The following PDZRN4 variants were observed in gnomAD, a reference collection of about 807,000 sequenced individuals.
PDZRN4 encodes the protein PDZ domain-containing RING finger protein 4.
Under a neutral mutation model 99.0 loss-of-function variants are expected in PDZRN4, and 70 were observed. The observed-to-expected ratio is 0.71, with a 90% CI of 0.58 to 0.86. PDZRN4 has a LOEUF of 0.86. Among genes scored for constraint, PDZRN4 ranks in the 40% least tolerant of loss-of-function variants. The probability of loss-of-function intolerance (pLI) is 0.00; values close to 1 mark genes in which losing one functional copy is unlikely to be tolerated. For synonymous variants in PDZRN4, 551 were observed against 501.6 expected (o/e 1.10, Z -1.32); for missense variants, 1,474 against 1,331.2 (o/e 1.11, Z -1.67).
chr12:41,299,800 TTAAGTA>T (rs1197386368), intron 3 of PDZRN4, among the ~76,000 whole-genome samples: 4 of 152,052 alleles, frequency 2.6e-5, no homozygotes, highest in African/African-American at 7.2e-5. Context: ...TAAAAGCCAT[TTAAGTA>T]TATTTATATA....
At chr12:41,539,894 C>T (rs541196975) in intron 5 of PDZRN4, among the ~76,000 whole-genome samples, 177 of 152,202 alleles carry the variant, frequency 1.2e-3, no homozygotes, top group African/African-American at 4.2e-3. Context: ...TCTCATTCAT[C>T]AGATCAGGAG....
At chr12:41,229,834 T>C (rs1951017038) in intron 3 of PDZRN4, among the ~76,000 whole-genome samples, 1 of 152,024 alleles carries the variant, frequency 6.6e-6, no homozygotes. Flanking sequence ...CATTTCTTAC[T>C]AGGAAGAGAC....
chr12:41,314,344 C>T (rs2120957837), intron 3 of PDZRN4, among the ~76,000 whole-genome samples: 1 of 152,252 alleles, frequency 6.6e-6, no homozygotes, highest in East Asian at 1.9e-4. Flanking sequence ...TGAGCATCAG[C>T]TAAGTATTAG....
At chr12:41,481,145 G>A (rs11180948) in intron 3 of PDZRN4, among the ~76,000 whole-genome samples, 2,257 of 151,928 alleles carry the variant, frequency 0.015, 55 homozygotes, top group East Asian at 0.12. Flanking sequence ...CTCCTGTAGC[G>A]GTTGCTGCCT....
intron 5 of PDZRN4, among the ~76,000 whole-genome samples, chr12:41,514,081 C>T (rs552960232): frequency 1.3e-5 from 2 of 152,056 alleles, no homozygotes; most frequent in African/African-American, 4.8e-5. Flanking sequence ...ATCATAAAAA[C>T]GTAAGCCAAA....
At chr12:41,470,893 G>GGTGTGCCCC (rs1952983141) in intron 3 of PDZRN4, among the ~76,000 whole-genome samples, 2 of 152,156 alleles carry the variant, frequency 1.3e-5, no homozygotes, top group African/African-American at 4.8e-5. Flanking sequence ...AGCACAGCAT[G>GGTGTGCCCC]AACTTCTGGT....
At chr12:41,198,347 T>G (rs10879844) in intron 3 of PDZRN4, among the ~76,000 whole-genome samples, 1 of 151,942 alleles carries the variant, frequency 6.6e-6, no homozygotes, top group Non-Finnish European at 1.5e-5. Flanking sequence ...CCCCTGCAGC[T>G]CCAGGCCAAT....
At chr12:41,281,205 C>T (rs1339703236) in intron 3 of PDZRN4, among the ~76,000 whole-genome samples, 1 of 151,830 alleles carries the variant, frequency 6.6e-6, no homozygotes, top group African/African-American at 2.4e-5. Context: ...AAAACTCCAT[C>T]CAAAGATCAC....
chr12:41,530,117 T>C (rs1223409202), intron 5 of PDZRN4, among the ~76,000 whole-genome samples: 2 of 152,190 alleles, frequency 1.3e-5, no homozygotes, highest in East Asian at 3.9e-4. Context: ...TCTACAATAC[T>C]CTGAGTGATA....
At chr12:41,376,177 G>A (rs1297594899) in intron 3 of PDZRN4, among the ~76,000 whole-genome samples, 1 of 152,066 alleles carries the variant, frequency 6.6e-6, no homozygotes, top group Non-Finnish European at 1.5e-5. Context: ...TGAATAATGT[G>A]AACTGAACAT....
At chr12:41,219,824 A>G (rs79152641) in intron 3 of PDZRN4, among the ~76,000 whole-genome samples, 3,721 of 152,208 alleles carry the variant, frequency 0.024, 111 homozygotes, top group African/African-American at 0.073. Flanking sequence ...TAGGAATTCC[A>G]TTTATTCAGC....
intron 3 of PDZRN4, among the ~76,000 whole-genome samples, chr12:41,281,475 G>T (rs1951385270): frequency 6.6e-6 from 1 of 152,236 alleles, no homozygotes; most frequent in East Asian, 1.9e-4. Flanking sequence ...CTTGATAAAA[G>T]GTTAGAGTAA....
At chr12:41,529,861 A>G (rs1938630405) in intron 5 of PDZRN4, among the ~76,000 whole-genome samples, 1 of 152,076 alleles carries the variant, frequency 6.6e-6, no homozygotes, top group African/African-American at 2.4e-5. Flanking sequence ...TGCTGATCAT[A>G]TCCTCTTCTG....
chr12:41,477,934 T>C, intron 3 of PDZRN4: 1 of 1,472,642 alleles, frequency 6.8e-7, no homozygotes, highest in Non-Finnish European at 9.2e-7. Context: ...AGTATGGCAT[T>C]AAATTTATTT....
chr12:41,502,915 T>C (rs1938135992), intron 3 of PDZRN4, among the ~76,000 whole-genome samples: 1 of 152,208 alleles, frequency 6.6e-6, no homozygotes, highest in African/African-American at 2.4e-5. Flanking sequence ...GAAGTTTTGC[T>C]GTTGTTAACA....
In PDZRN4 at chr12:41,188,905, G is replaced by A. The variant is rs1255321542; in HGVS notation, c.450G>A (p.Pro150=). The change falls in exon 1 of 10, where the codon CCG becomes CCA. Residue 150 remains proline (P), a synonymous_variant. Transcript: ENST00000402685. ...GRGGGARGGP[P]GGRWGRGRGP... ...GCGGGGGCGCGCGCGGGGGGCCGCC[G>A]GGCGGCCGCTGGGGCCGCGGGCGGG... 5.4e-6 allele frequency: 6 copies of A among 1,111,184 alleles called. No homozygotes were observed. The highest frequency in any genetic ancestry group is 6.6e-6 in the Non-Finnish European group (6 of 912,368). The allele number at this position is 1,111,184 out of a possible 1,614,324, so 68.8% of individuals were successfully genotyped here.
chr12:41,195,986 T>TA (rs1950769170), intron 3 of PDZRN4, among the ~76,000 whole-genome samples: 1 of 152,134 alleles, frequency 6.6e-6, no homozygotes, highest in Non-Finnish European at 1.5e-5. Context: ...ATTGGCAATT[T>TA]AAAAAATAAC....
intron 3 of PDZRN4, among the ~76,000 whole-genome samples, chr12:41,333,351 C>T (rs188349919): frequency 3.3e-5 from 5 of 152,066 alleles, no homozygotes; most frequent in African/African-American, 9.7e-5. Flanking sequence ...CCCTCACGAC[C>T]GCCACCCCCA....
At chr12:41,501,578 T>C (rs1258026938) in intron 3 of PDZRN4, among the ~76,000 whole-genome samples, 1 of 152,206 alleles carries the variant, frequency 6.6e-6, no homozygotes, top group Non-Finnish European at 1.5e-5. Flanking sequence ...AAGTTGCTTA[T>C]GGATTCATTA....
Sources: allele counts gnomAD v4.1 joint callset (sites outside exome capture counted in the v4.1 genomes callset), GRCh38; gene constraint gnomAD v4.1.1; transcripts MANE v1.5; gene names NCBI Gene and HGNC (gene_info 2026-07-23, HGNC 2026-07-21).